The following PCDHGA9 variants were observed in gnomAD, a reference collection of about 807,000 sequenced individuals.
PCDHGA9 encodes the protein protocadherin gamma-A9.
PCDHGA9 carries 37 observed loss-of-function variants against 62.5 expected under a neutral mutation model. The ratio of observed to expected loss-of-function variants is 0.59; its 90% confidence interval spans 0.46 to 0.78. The LOEUF is 0.78. PCDHGA9 is among the 30% of genes least tolerant of loss of function. The pLI is 0.00. For synonymous variants in PCDHGA9, 459 were observed against 484.6 expected, an observed-to-expected ratio of 0.95 and a Z score of 0.69; for missense variants, 1,138 against 1,166.2, an observed-to-expected ratio of 0.98 and a Z score of 0.35.
chr5:141,500,258 G>A lies in PCDHGA9; in HGVS notation c.2484-5135G>A, dbSNP rs2099798463. On this transcript the variant is annotated intron_variant, in intron 2 of 3. Coordinates refer to ENST00000573521, the MANE Select transcript of PCDHGA9 (RefSeq NM_018921.3). ...TAGCCTTGCTCTGTCACCCAGGCTG[G>A]ACTGCAGTGGCGCAATCTCGGCTCA... Among the ~76,000 whole-genome samples the A allele has an allele frequency of 2.0e-5, 3 of 150,738 alleles. No homozygotes were observed. In the South Asian group the frequency reaches 6.3e-4, roughly 32 times the overall value.
chr5:141,419,065 C>G (rs763008753), intron 1 of PCDHGA9: 2 of 1,613,786 alleles, frequency 1.2e-6, no homozygotes, highest in South Asian at 2.2e-5. Context: ...ATAATTACTA[C>G]AAGCTAGTAA....
chr5:141,409,034 A>C, intron 1 of PCDHGA9: 1 of 1,613,992 alleles, frequency 6.2e-7, no homozygotes, highest in Non-Finnish European at 8.5e-7. Context: ...TGCTGAGATA[A>C]ACTACTACTT....
chr5:141,403,157 A>G lies in PCDHGA9; in HGVS notation c.205A>G (p.Arg69Gly). Residue 69 changes from arginine (R) to glycine (G), a missense_variant, in exon 1 of 4, where the codon AGA becomes GGA. By Grantham distance (125) the Arg-to-Gly change is moderately radical. Transcript: ENST00000573521. ...GGAGCGCCGAGTCCGCATCGTCTCTAGAGGTAGGACGCAGCTTTTCTCTCT... is the reference window on the plus strand; with the variant it reads ...GGAGCGCCGAGTCCGCATCGTCTCTGGAGGTAGGACGCAGCTTTTCTCTCT... Reference protein sequence around the residue: ...LAERRVRIVSRGRTQLFSLNP... With the variant: ...LAERRVRIVSGGRTQLFSLNP... 1.9e-6 allele frequency: 3 copies of G among 1,614,030 alleles called. No individual in the cohort carries two copies. Among genetic ancestry groups the G allele is most frequent in the Non-Finnish European group, 8.5e-7 (1 of 1,179,906 alleles).
At position 141,430,558 on chromosome 5, in the gene PCDHGA9, G is replaced by A. The variant is rs1472516429; in HGVS notation, c.2424+25182G>A. 2.2e-5 allele frequency: 9 copies of A among 417,488 alleles called. No homozygotes were observed. In the East Asian group the frequency reaches 3.3e-4, roughly 15 times the overall value. The allele number at this position is 417,488 out of a possible 1,614,324, so 25.9% of individuals were successfully genotyped here. On this transcript the variant is annotated intron_variant, in intron 1 of 3. Transcript: ENST00000573521. ...TCTGAGCGCCGCTGTTCACCAATCGGGGAGAGAAAAGCGGAGATCCTGCTC... is the reference window on the plus strand; with the variant it reads ...TCTGAGCGCCGCTGTTCACCAATCGAGGAGAGAAAAGCGGAGATCCTGCTC...
chr5:141,432,196 C>G lies in PCDHGA9; in HGVS notation c.2424+26820C>G, dbSNP rs200790843. ...TCGTCTCTGTGACCGCCCACGACCC[C>G]GACTGTGAAGAGAACGCCCAGATCA... On this transcript the variant is annotated intron_variant, in intron 1 of 3. Transcript: ENST00000573521. The surrounding 1 kb of genome is among the most constrained non-coding windows in gnomAD (Gnocchi z 6.0). The G allele has an allele frequency of 6.2e-7, 1 of 1,614,192 alleles. No individual in the cohort carries two copies. Among genetic ancestry groups the G allele is most frequent in the East Asian group, 2.2e-5 (1 of 44,880 alleles).
At chr5:141,455,903 ATTTATTT>A (rs2098836354) in intron 1 of PCDHGA9, among the ~76,000 whole-genome samples, 1 of 145,228 alleles carries the variant, frequency 6.9e-6, no homozygotes, top group African/African-American at 2.7e-5. Context: ...TTATTTATTT[ATTTATTT>A]ATTTTGAGAC....
In PCDHGA9 at chr5:141,477,143, G is replaced by T; in HGVS notation, c.2425-17664G>T. On this transcript the variant is annotated intron_variant, in intron 1 of 3. Transcript: ENST00000573521. The surrounding 1 kb of genome is among the most constrained non-coding windows in gnomAD (Gnocchi z 4.9). The stretch of plus-strand genomic sequence containing the variant: ...ACATTGCAAAGTGTTGGTGGAGGTT[G>T]TGGATGTGAATGACAACGCCCCGGA... The T allele has an allele frequency of 6.2e-7, 1 of 1,614,198 alleles. No homozygotes were observed. The highest frequency in any genetic ancestry group is 8.5e-7 in the Non-Finnish European group (1 of 1,180,036).
Position 141,403,060 on chromosome 5 carries a change from T to G in PCDHGA9, c.108T>G (p.Pro36=), listed in dbSNP as rs2094346399. 2 of 1,614,042 alleles carry G rather than the reference T, an allele frequency of 1.2e-6. No homozygotes were observed. Among genetic ancestry groups the G allele is most frequent in the Non-Finnish European group, 8.5e-7 (1 of 1,179,900 alleles). The part of the protein sequence containing the change: ...ARASQIRYSV[P]EETEKGYIVG... ...CCAGTCAGATTCGCTACTCAGTGCC[T>G]GAAGAGACAGAAAAGGGCTATATTG... The change falls in exon 1 of 4, where the codon CCT becomes CCG. Residue 36 remains proline, a synonymous_variant. Coordinates refer to ENST00000573521, the MANE Select transcript of PCDHGA9 (RefSeq NM_018921.3).
intron 1 of PCDHGA9, among the ~76,000 whole-genome samples, chr5:141,405,811 ACTGT>A (rs56926516): frequency 0.18 from 26,617 of 151,870 alleles, 2,510 homozygotes; most frequent in Admixed American, 0.28. Flanking sequence ...TTTCTCTTTA[ACTGT>A]CTGTACTTAA....
intron 1 of PCDHGA9, chr5:141,427,090 A>G: frequency 2.2e-6 from 1 of 458,214 alleles, no homozygotes; most frequent in East Asian, 6.9e-5. Context: ...GACCAGGATG[A>G]GGGTGTCAAT....
At position 141,431,412 on chromosome 5, in the gene PCDHGA9, G is replaced by A. The variant is rs1458036274; in HGVS notation, c.2424+26036G>A. ...CTGGTCCTTACGGCCTCCGACGGGG[G>A]CGACCCGGTGCGCACAGGCACCGCG... On this transcript the variant is annotated intron_variant, in intron 1 of 3. Transcript: ENST00000573521. This position sits in a 1 kb window ranked among gnomAD's most constrained non-coding sequence, Gnocchi z 4.8. 1 of 1,613,596 alleles carries A rather than the reference G, an allele frequency of 6.2e-7. No homozygotes were observed. Among genetic ancestry groups the A allele is most frequent in the Non-Finnish European group, 8.5e-7 (1 of 1,180,058 alleles).
chr5:141,427,995 G>C (rs1292989797), intron 1 of PCDHGA9: 2 of 1,599,590 alleles, frequency 1.3e-6, no homozygotes, highest in African/African-American at 2.7e-5. Flanking sequence ...CGATGGCTCC[G>C]CACTCTTCGA....
At chr5:141,444,561 G>A (rs1554133061) in intron 1 of PCDHGA9, among the ~76,000 whole-genome samples, 2 of 152,098 alleles carry the variant, frequency 1.3e-5, no homozygotes, top group Non-Finnish European at 2.9e-5. Context: ...GCACTTATTT[G>A]ACACTTTTGA....
rs1482322150 is a variant in PCDHGA9, at chr5:141,485,119, C to T, written c.2425-9688C>T. On this transcript the variant is annotated intron_variant, in intron 1 of 3. Transcript: ENST00000573521. This position sits in a 1 kb window ranked among gnomAD's most constrained non-coding sequence, Gnocchi z 5.7. ...CTCCAGCTGCTGTGGCTGTTTGGGGCGGGTCGGCTTCATCCGCGTCTCAGG... is the reference window on the plus strand; with the variant it reads ...CTCCAGCTGCTGTGGCTGTTTGGGGTGGGTCGGCTTCATCCGCGTCTCAGG... 9.8e-6 allele frequency: 13 copies of T among 1,328,806 alleles called. No individual in the cohort carries two copies. The East Asian group carries it at 1.8e-4, about 19-fold the overall frequency. 82.3% of individuals were successfully genotyped at this position (1,328,806 alleles called of 1,614,324 possible). A position where few individuals can be genotyped will look rare whatever the true frequency, so the allele number is the denominator to read the frequency against.
rs1225025591 is a variant in PCDHGA9 at position 141,493,316 on chromosome 5, T to G, written c.2425-1491T>G. Among the ~76,000 whole-genome samples, 2 of 152,198 alleles carry G rather than the reference T, an allele frequency of 1.3e-5. No homozygotes were observed. The highest frequency in any genetic ancestry group is 2.1e-4 in the South Asian group (1 of 4,826). Reference sequence around the variant, plus strand: ...AGTTCACAGAGCAAGTAAGAGAGATTCTAACCCCTGTCTAACTCCAGAATG... The same window carrying G: ...AGTTCACAGAGCAAGTAAGAGAGATGCTAACCCCTGTCTAACTCCAGAATG... On this transcript the variant is annotated intron_variant, in intron 1 of 3. Coordinates refer to ENST00000573521, the MANE Select transcript of PCDHGA9 (RefSeq NM_018921.3). This position sits in a 1 kb window ranked among gnomAD's most constrained non-coding sequence, Gnocchi z 4.3.
chr5:141,428,443 G>T (rs1004000862), intron 1 of PCDHGA9: 5 of 383,870 alleles, frequency 1.3e-5, no homozygotes, highest in Non-Finnish European at 2.0e-5. Context: ...TAGACCAGGG[G>T]TTTTTCCCAA....
rs749502643 is a variant in PCDHGA9 at position 141,405,141 on chromosome 5, A to T, written c.2189A>T (p.Asp730Val). The change falls in exon 1 of 4, where the codon GAT becomes GTT. Residue 730 changes from aspartate (D) to valine (V), a missense_variant. Transcript: ENST00000573521. ...TCGCATCTGCTGCGGGCTACCAGTG[A>T]TGGGTTGGCTGGTGTGCCCACCTCA... The part of the protein sequence containing the change: ...HSSHLLRATS[D>V]GLAGVPTSHF... 2.5e-6 allele frequency: 4 copies of T among 1,613,862 alleles called. No individual in the cohort carries two copies. Among genetic ancestry groups the T allele is most frequent in the African/African-American group, 1.3e-5 (1 of 74,908 alleles).
intron 1 of PCDHGA9, among the ~76,000 whole-genome samples, chr5:141,473,404 T>A (rs953797915): frequency 6.6e-6 from 1 of 152,226 alleles, no homozygotes; most frequent in Non-Finnish European, 1.5e-5. Flanking sequence ...TCTTTTTTTC[T>A]TCTTCAGTGG....
intron 1 of PCDHGA9, among the ~76,000 whole-genome samples, chr5:141,444,315 G>A (rs2098431855): frequency 6.6e-6 from 1 of 151,946 alleles, no homozygotes; most frequent in South Asian, 2.1e-4. Flanking sequence ...AGGATTACAG[G>A]CATGTGCCAC....
Sources: allele counts gnomAD v4.1 joint callset (sites outside exome capture counted in the v4.1 genomes callset), GRCh38; gene constraint gnomAD v4.1.1; non-coding constraint Gnocchi (gnomAD v3.1); transcripts MANE v1.5; gene names NCBI Gene and HGNC (gene_info 2026-07-23, HGNC 2026-07-21).